Variants in CHODL observed in about 807,000 individuals in gnomAD.
CHODL encodes chondrolectin.
Under a neutral mutation model 34.5 loss-of-function variants are expected in CHODL, and 29 were observed. The observed-to-expected ratio is 0.84, with a 90% CI of 0.63 to 1.15. The LOEUF (loss-of-function observed/expected upper bound fraction) is 1.15. Ranked by LOEUF, CHODL falls within the 50% of genes most tolerant of loss-of-function variation. CHODL has a pLI of 0.00. For missense variants in CHODL, 332 were observed against 332.5 expected, an observed-to-expected ratio of 1.00 and a Z score of 0.01; for synonymous variants, 125 against 116.1, an observed-to-expected ratio of 1.08 and a Z score of -0.49.
intron 2 of CHODL, among the ~76,000 whole-genome samples, chr21:18,032,792 A>G (rs1466747977): frequency 6.6e-6 from 1 of 152,044 alleles, no homozygotes; most frequent in Non-Finnish European, 1.5e-5. Context: ...ATCGACATGT[A>G]GTTTCACTCT....
At chr21:18,236,083 A>T (rs1031785810) in intron 2 of CHODL, among the ~76,000 whole-genome samples, 1 of 152,102 alleles carries the variant, frequency 6.6e-6, no homozygotes, top group Non-Finnish European at 1.5e-5. Flanking sequence ...GTAATTTACA[A>T]GCGAAAGAGG....
At chr21:18,215,819 TATC>T (rs1411057472) in intron 2 of CHODL, among the ~76,000 whole-genome samples, 1 of 152,152 alleles carries the variant, frequency 6.6e-6, no homozygotes, top group Non-Finnish European at 1.5e-5. Context: ...TCGCTACTTC[TATC>T]TATGAGTTTA....
chr21:18,078,080 A>C (rs1164921394), intron 2 of CHODL, among the ~76,000 whole-genome samples: 2 of 152,160 alleles, frequency 1.3e-5, no homozygotes, highest in Non-Finnish European at 2.9e-5. Context: ...GGATAAGTGG[A>C]TTATTCTTTC....
At chr21:18,062,140 G>A (rs964659419) in intron 2 of CHODL, among the ~76,000 whole-genome samples, 6 of 152,140 alleles carry the variant, frequency 3.9e-5, no homozygotes, top group East Asian at 3.9e-4. Context: ...GATAAAGTAC[G>A]TGAGTTCAGT....
At chr21:18,106,980 CT>C (rs1338851403) in intron 2 of CHODL, among the ~76,000 whole-genome samples, 1 of 152,130 alleles carries the variant, frequency 6.6e-6, no homozygotes, top group Admixed American at 6.5e-5. Context: ...AGAATCTGTC[CT>C]TTTATTTCCT....
intron 2 of CHODL, among the ~76,000 whole-genome samples, chr21:18,104,907 C>A (rs2065255683): frequency 6.6e-6 from 1 of 152,208 alleles, no homozygotes; most frequent in South Asian, 2.1e-4. Flanking sequence ...AAGATTTTCT[C>A]CTTCCCTAAT....
intron 2 of CHODL, among the ~76,000 whole-genome samples, chr21:18,150,500 A>C (rs986807586): frequency 6.6e-6 from 1 of 152,138 alleles, no homozygotes; most frequent in Non-Finnish European, 1.5e-5. Context: ...CAATGCCATC[A>C]CGATTGGGTT....
chr21:18,081,328 T>C (rs898574222), intron 2 of CHODL, among the ~76,000 whole-genome samples: 4 of 152,162 alleles, frequency 2.6e-5, no homozygotes, highest in African/African-American at 9.7e-5. Context: ...CTTTTTACTT[T>C]TATTTTTTTC....
chr21:18,158,919 T>C (rs2073065158), intron 2 of CHODL, among the ~76,000 whole-genome samples: 1 of 152,020 alleles, frequency 6.6e-6, no homozygotes, highest in Admixed American at 6.6e-5. Context: ...TAGTGTATTG[T>C]GCATGTAGGC....
chr21:18,193,333 A>C (rs1311527355), intron 2 of CHODL, among the ~76,000 whole-genome samples: 3 of 152,176 alleles, frequency 2.0e-5, no homozygotes, highest in Non-Finnish European at 2.9e-5. Flanking sequence ...AATTTGAGAA[A>C]GGCTGATCTA....
Position 18,202,279 on chromosome 21 carries a change from G to C in CHODL, c.-44-54230G>C, listed in dbSNP as rs967573226. Among the ~76,000 whole-genome samples the C allele has an allele frequency of 5.9e-5, 9 of 152,262 alleles. 1 individual carries two copies. The Middle Eastern group carries it at 0.014, about 230-fold the overall frequency. On this transcript the variant is annotated intron_variant, in intron 2 of 6. Transcript: ENST00000400127. ...TTATTGATAATGTGGATGAAAAAAG[G>C]AGAGCATATATTATGGACTGAATGC...
chr21:17,924,447 A>G (rs1487508619), intron 1 of CHODL, among the ~76,000 whole-genome samples: 1 of 152,176 alleles, frequency 6.6e-6, no homozygotes, highest in African/African-American at 2.4e-5. Context: ...TGAGATCACA[A>G]CTGTGTCACC....
chr21:18,044,260 T>G (rs1324452325), intron 2 of CHODL, among the ~76,000 whole-genome samples: 1 of 152,006 alleles, frequency 6.6e-6, no homozygotes, highest in Non-Finnish European at 1.5e-5. Flanking sequence ...ATTGTGTGAT[T>G]TCAATAATTT....
intron 1 of CHODL, among the ~76,000 whole-genome samples, chr21:17,983,382 G>A (rs1251770062): frequency 1.3e-5 from 2 of 151,950 alleles, no homozygotes; most frequent in East Asian, 1.9e-4. Context: ...TGATTTCTTC[G>A]GGATACAGTT....
chr21:17,919,019 A>C (rs2063163025), intron 1 of CHODL, among the ~76,000 whole-genome samples: 1 of 152,214 alleles, frequency 6.6e-6, no homozygotes, highest in African/African-American at 2.4e-5. Context: ...TGCTGATGTG[A>C]GAGGTGGGCT....
At chr21:18,019,499 A>T (rs546669806) in intron 1 of CHODL, among the ~76,000 whole-genome samples, 1 of 152,168 alleles carries the variant, frequency 6.6e-6, no homozygotes, top group Non-Finnish European at 1.5e-5. Flanking sequence ...CAAAGAAAGG[A>T]TAAATGCTTA....
intron 2 of CHODL, among the ~76,000 whole-genome samples, chr21:18,151,144 C>G (rs967453000): frequency 6.6e-6 from 1 of 150,476 alleles, no homozygotes; most frequent in Non-Finnish European, 1.5e-5. Flanking sequence ...TATGGTAGGT[C>G]ATAAGATTCC....
intron 2 of CHODL, among the ~76,000 whole-genome samples, chr21:18,237,940 A>G (rs2074044483): frequency 6.6e-6 from 1 of 152,168 alleles, no homozygotes; most frequent in Non-Finnish European, 1.5e-5. Flanking sequence ...TTTTAACAGA[A>G]TAAGTGCAAT....
intron 2 of CHODL, among the ~76,000 whole-genome samples, chr21:18,105,139 C>T (rs2065258267): frequency 6.6e-6 from 1 of 152,144 alleles, no homozygotes; most frequent in Non-Finnish European, 1.5e-5. Flanking sequence ...CTTAAATAGT[C>T]ATGGCTATTT....
Sources: allele counts gnomAD v4.1 joint callset (sites outside exome capture counted in the v4.1 genomes callset), GRCh38; gene constraint gnomAD v4.1.1; transcripts MANE v1.5; gene names NCBI Gene and HGNC (gene_info 2026-07-23, HGNC 2026-07-21).